EPHA3: variants seen among roughly 807,000 people sequenced by gnomAD.
EPHA3 encodes EPH receptor A3.
In EPHA3, 42 loss-of-function variants were observed where a neutral mutation model predicts 107.1. The observed-to-expected ratio is 0.39, with a 90% CI of 0.31 to 0.51. The LOEUF (loss-of-function observed/expected upper bound fraction) is 0.51, where lower values mean the gene tolerates loss of function less well. EPHA3 is among the 20% of genes least tolerant of loss of function. EPHA3 has a pLI of 0.78. For synonymous variants in EPHA3, 461 were observed against 424.8 expected, an observed-to-expected ratio of 1.09 and a Z score of -1.05; for missense variants, 1,183 against 1,211.2, an observed-to-expected ratio of 0.98 and a Z score of 0.35.
chr3:89,166,633 C>A (rs1000093380), intron 2 of EPHA3, among the ~76,000 whole-genome samples: 1 of 152,140 alleles, frequency 6.6e-6, no homozygotes, highest in African/African-American at 2.4e-5. Flanking sequence ...CTCCCAAATT[C>A]ACCTGCTTCC....
At chr3:89,252,286 A>G (rs1705181204) in intron 3 of EPHA3, among the ~76,000 whole-genome samples, 1 of 152,318 alleles carries the variant, frequency 6.6e-6, no homozygotes, top group Non-Finnish European at 1.5e-5. Context: ...ATATTTAAAC[A>G]TATATTATGC....
At chr3:89,403,674 G>A (rs1193553207) in intron 7 of EPHA3, among the ~76,000 whole-genome samples, 2 of 152,200 alleles carry the variant, frequency 1.3e-5, no homozygotes, top group Non-Finnish European at 1.5e-5. Context: ...AAGCCATGGT[G>A]TGTGCTTTGT....
At chr3:89,257,511 A>T (rs1488430321) in intron 3 of EPHA3, among the ~76,000 whole-genome samples, 1 of 152,032 alleles carries the variant, frequency 6.6e-6, no homozygotes, top group African/African-American at 2.4e-5. Flanking sequence ...GAAGCAGAGA[A>T]AGTTTGAGGT....
chr3:89,128,141 G>A (rs1406330368), intron 2 of EPHA3, among the ~76,000 whole-genome samples: 2 of 152,092 alleles, frequency 1.3e-5, no homozygotes, highest in Non-Finnish European at 2.9e-5. Flanking sequence ...TCAAGAGATT[G>A]TAATTACTTC....
chr3:89,366,755 C>T (rs1288265395), intron 5 of EPHA3, among the ~76,000 whole-genome samples: 2 of 150,584 alleles, frequency 1.3e-5, no homozygotes, highest in African/African-American at 2.4e-5. Context: ...TGTTTTTGCC[C>T]TCTCACTTAG....
At chr3:89,212,805 A>G (rs1245291414) in intron 3 of EPHA3, among the ~76,000 whole-genome samples, 1 of 151,990 alleles carries the variant, frequency 6.6e-6, no homozygotes, top group Non-Finnish European at 1.5e-5. Flanking sequence ...GTCACTGAAG[A>G]ATTTGTTGCT....
chr3:89,440,572 A>G (rs1411091486), intron 13 of EPHA3, among the ~76,000 whole-genome samples: 2 of 152,176 alleles, frequency 1.3e-5, no homozygotes, highest in Non-Finnish European at 2.9e-5. Flanking sequence ...GCTCCTGAAA[A>G]ATTCAGGCTT....
intron 3 of EPHA3, among the ~76,000 whole-genome samples, chr3:89,256,421 A>G (rs1201480897): frequency 1.3e-5 from 2 of 151,466 alleles, no homozygotes; most frequent in African/African-American, 4.9e-5. Context: ...AAACAAAAAA[A>G]TTAGCTGGCC....
chr3:89,332,577 C>G (rs965181744), intron 3 of EPHA3, among the ~76,000 whole-genome samples: 1 of 152,208 alleles, frequency 6.6e-6, no homozygotes, highest in Non-Finnish European at 1.5e-5. Context: ...GGCCTTGCCT[C>G]AACGCATTGT....
chr3:89,283,035 C>T (rs1413915656), intron 3 of EPHA3, among the ~76,000 whole-genome samples: 5 of 151,930 alleles, frequency 3.3e-5, no homozygotes, highest in Non-Finnish European at 7.4e-5. Flanking sequence ...ACAGGAGAAG[C>T]CAGGCAAAAT....
At chr3:89,293,387 T>C (rs1315927459) in intron 3 of EPHA3, among the ~76,000 whole-genome samples, 1 of 152,150 alleles carries the variant, frequency 6.6e-6, no homozygotes, top group Admixed American at 6.6e-5. Context: ...TAACAAAAAT[T>C]ATTGTGCTTT....
chr3:89,120,065 C>T (rs1268114452), intron 1 of EPHA3, among the ~76,000 whole-genome samples: 1 of 152,034 alleles, frequency 6.6e-6, no homozygotes, highest in Non-Finnish European at 1.5e-5. Context: ...TTTTTAAATA[C>T]CAAGATAGAC....
chr3:89,137,578 T>G (rs1176682521), intron 2 of EPHA3, among the ~76,000 whole-genome samples: 3 of 152,126 alleles, frequency 2.0e-5, no homozygotes, highest in Non-Finnish European at 4.4e-5. Flanking sequence ...CCACCTTAAG[T>G]ATTTCTGCAA....
At chr3:89,181,409 C>T (rs1159959574) in intron 2 of EPHA3, among the ~76,000 whole-genome samples, 2 of 151,778 alleles carry the variant, frequency 1.3e-5, no homozygotes, top group African/African-American at 4.8e-5. Flanking sequence ...TCACATAGCT[C>T]AGTTTTGTAC....
At chr3:89,240,865 A>C (rs1335323839) in intron 3 of EPHA3, among the ~76,000 whole-genome samples, 5 of 152,260 alleles carry the variant, frequency 3.3e-5, no homozygotes, top group African/African-American at 9.6e-5. Flanking sequence ...ATTATTATAG[A>C]GTAAACTCTG....
intron 3 of EPHA3, among the ~76,000 whole-genome samples, chr3:89,225,900 T>C (rs557542571): frequency 2.6e-5 from 4 of 152,222 alleles, no homozygotes; most frequent in Admixed American, 2.0e-4. Flanking sequence ...TACATTTGCC[T>C]GGGGCCACTG....
At chr3:89,435,604 A>G (rs1313696856) in intron 13 of EPHA3, among the ~76,000 whole-genome samples, 1 of 146,298 alleles carries the variant, frequency 6.8e-6, no homozygotes, top group Non-Finnish European at 1.5e-5. Flanking sequence ...CTATATATAT[A>G]TAAATAAATT....
At chr3:89,301,610 T>G (rs1253544316) in intron 3 of EPHA3, among the ~76,000 whole-genome samples, 2 of 152,158 alleles carry the variant, frequency 1.3e-5, no homozygotes, top group Non-Finnish European at 2.9e-5. Flanking sequence ...CAGAATAATT[T>G]TAGTTATCTA....
At chr3:89,124,464 T>C (rs1366380945) in intron 1 of EPHA3, among the ~76,000 whole-genome samples, 2 of 152,096 alleles carry the variant, frequency 1.3e-5, no homozygotes, top group African/African-American at 4.8e-5. Context: ...TCTTAGACGG[T>C]GTTATTTTTA....
Sources: allele counts gnomAD v4.1 joint callset (sites outside exome capture counted in the v4.1 genomes callset), GRCh38; gene constraint gnomAD v4.1.1; transcripts MANE v1.5; gene names NCBI Gene and HGNC (gene_info 2026-07-23, HGNC 2026-07-21).